The following VNN1 variants were observed in gnomAD, a reference collection of about 807,000 sequenced individuals.
VNN1 encodes the protein pantetheinase.
VNN1 carries 29 observed loss-of-function variants against 41.9 expected under a neutral mutation model. The observed-to-expected ratio is 0.69, with a 90% CI of 0.52 to 0.94. The LOEUF (loss-of-function observed/expected upper bound fraction) is 0.94. VNN1 is among the 40% of genes least tolerant of loss of function. The pLI, the probability that VNN1 is intolerant of heterozygous loss-of-function variation, is 0.00. For missense variants in VNN1, 637 were observed against 621.1 expected (o/e 1.03, Z -0.27); for synonymous variants, 233 against 224.4 (o/e 1.04, Z -0.34).
intron 2 of VNN1, among the ~76,000 whole-genome samples, chr6:132,697,812 T>C (rs1298268484): frequency 1.3e-5 from 2 of 152,166 alleles, no homozygotes; most frequent in Non-Finnish European, 2.9e-5. Context: ...GAACAACCGT[T>C]CAATAGTTTA....
At position 132,713,899 on chromosome 6, in the gene VNN1, C is replaced by T. The variant is rs371314791; in HGVS notation, c.137G>A (p.Arg46His). The T allele has an allele frequency of 8.9e-5, 144 of 1,613,890 alleles. No homozygotes were observed. Among genetic ancestry groups the T allele is most frequent in the Non-Finnish European group, 1.1e-4 (128 of 1,180,032 alleles). The change falls in exon 1 of 7, where the codon CGT (arginine) becomes CAT (histidine). Residue 46 changes from arginine (R) to histidine (H), a missense_variant. Physicochemically the swap from Arg to His is conservative, Grantham distance 29. Coordinates refer to ENST00000367928, the MANE Select transcript of VNN1 (RefSeq NM_004666.3). Reference protein sequence around the residue: ...LPNATLTPVSREEALALMNRN... With the variant: ...LPNATLTPVSHEEALALMNRN... ...ATTCATTAATGCCAAAGCCTCCTCA[C>T]GAGACACTGGTGTTAGGGTGGCATT...
intron 6 of VNN1, 64 bp from the exon 7 acceptor site, chr6:132,683,386 T>C: frequency 6.8e-7 from 1 of 1,476,374 alleles, no homozygotes; most frequent in Non-Finnish European, 9.2e-7. Context: ...AAATCACTTT[T>C]AAAATTTACT....
chr6:132,685,173 G>A (rs1778188730), intron 5 of VNN1, among the ~76,000 whole-genome samples: 1 of 152,216 alleles, frequency 6.6e-6, no homozygotes, highest in East Asian at 1.9e-4. Context: ...CGCAAGAACT[G>A]AAACACTTCT....
At chr6:132,687,633 A>C (rs551385510) in intron 5 of VNN1, among the ~76,000 whole-genome samples, 89 of 152,344 alleles carry the variant, frequency 5.8e-4, no homozygotes, top group African/African-American at 1.7e-3. Context: ...ACAAGGAAAT[A>C]GCTAAGAGAG....
intron 1 of VNN1, among the ~76,000 whole-genome samples, chr6:132,713,212 C>T (rs1041456868): frequency 6.6e-6 from 1 of 152,132 alleles, no homozygotes; most frequent in Non-Finnish European, 1.5e-5. Flanking sequence ...TTCATGTATT[C>T]CTGGTCTACA....
At chr6:132,691,880 C>T (rs970816853) in intron 5 of VNN1, among the ~76,000 whole-genome samples, 2 of 151,976 alleles carry the variant, frequency 1.3e-5, no homozygotes, top group South Asian at 2.1e-4. Context: ...TGGTGGCACT[C>T]GCCTGTAGTC....
At chr6:132,691,858 A>G (rs1000131598) in intron 5 of VNN1, among the ~76,000 whole-genome samples, 3 of 152,076 alleles carry the variant, frequency 2.0e-5, no homozygotes, top group Non-Finnish European at 4.4e-5. Flanking sequence ...CAACAAAAAA[A>G]TTAGCCAGGC....
chr6:132,693,488 G>A (rs1322799535), intron 3 of VNN1, among the ~76,000 whole-genome samples, 173 bp from the exon 4 acceptor site: 1 of 152,130 alleles, frequency 6.6e-6, no homozygotes, highest in Non-Finnish European at 1.5e-5. Context: ...GCTAAACTGG[G>A]CCTTTAGTTC....
rs1477943608 is a variant in VNN1, at chr6:132,684,419, G to A, written c.1275C>T (p.Phe425=). Reference sequence around the variant, plus strand: ...GGGTTCCGAAAGTGCCACTGAGGGAGAACATTTCAAACCTGGTAGAAGCTG... The same window carrying A: ...GGGTTCCGAAAGTGCCACTGAGGGAAAACATTTCAAACCTGGTAGAAGCTG... ...AETASTRFEM[F]SLSGTFGTQY... is the part of the protein sequence containing the mutation. The change falls in exon 6 of 7, where the codon TTC becomes TTT. Residue 425 remains phenylalanine (F), a synonymous_variant. Coordinates refer to ENST00000367928, the MANE Select transcript of VNN1 (RefSeq NM_004666.3). 1.9e-6 allele frequency: 3 copies of A among 1,613,934 alleles called. No individual in the cohort carries two copies. The highest frequency in any genetic ancestry group is 1.3e-5 in the African/African-American group (1 of 74,912).
chr6:132,689,067 T>G (rs1288701121), intron 5 of VNN1, among the ~76,000 whole-genome samples: 2 of 152,136 alleles, frequency 1.3e-5, no homozygotes, highest in East Asian at 1.9e-4. Flanking sequence ...TTTTGTATTT[T>G]TAGTAGAGAC....
chr6:132,681,742 A>T lies in VNN1; in HGVS notation c.*1398T>A, dbSNP rs1778125550. 1 of 152,626 alleles carries T rather than the reference A, an allele frequency of 6.6e-6. No individual in the cohort carries two copies. The highest frequency in any genetic ancestry group is 1.5e-5 in the Non-Finnish European group (1 of 68,034). The allele number at this position is 152,626 out of a possible 1,614,324, so 9.5% of individuals were successfully genotyped here. A position where few individuals can be genotyped will look rare whatever the true frequency, so the allele number is the denominator to read the frequency against. ...CTTTCTTATTTTCTATTAGGTCTTGAAAAAAAGCAAATGTCAGTTAATGTC... is the reference window on the plus strand; with the variant it reads ...CTTTCTTATTTTCTATTAGGTCTTGTAAAAAAGCAAATGTCAGTTAATGTC... On this transcript the variant is annotated 3_prime_UTR_variant, in exon 7 of 7. Coordinates refer to ENST00000367928, the MANE Select transcript of VNN1 (RefSeq NM_004666.3).
Position 132,682,645 on chromosome 6 carries a change from C to T in VNN1, c.*495G>A, listed in dbSNP as rs1269311479. ...CCCTGTCTCCAAATACAGTCACATTCTGAGGTGCTTCAACATGTAAATTTT... is the reference window on the plus strand; with the variant it reads ...CCCTGTCTCCAAATACAGTCACATTTTGAGGTGCTTCAACATGTAAATTTT... On this transcript the variant is annotated 3_prime_UTR_variant, in exon 7 of 7. Coordinates refer to ENST00000367928, the MANE Select transcript of VNN1 (RefSeq NM_004666.3). The T allele has an allele frequency of 1.3e-5, 2 of 152,710 alleles. No homozygotes were observed. Among genetic ancestry groups the T allele is most frequent in the Non-Finnish European group, 2.9e-5 (2 of 68,516 alleles). 9.5% of individuals were successfully genotyped at this position (152,710 alleles called of 1,614,324 possible). A position where few individuals can be genotyped will look rare whatever the true frequency, so the allele number is the denominator to read the frequency against.
At chr6:132,700,437 C>T (rs1778435001) in intron 2 of VNN1, among the ~76,000 whole-genome samples, 1 of 152,206 alleles carries the variant, frequency 6.6e-6, no homozygotes, top group African/African-American at 2.4e-5. Context: ...ACATGCACAG[C>T]CACCACTACC....
intron 2 of VNN1, among the ~76,000 whole-genome samples, chr6:132,704,025 A>T (rs1382761195): frequency 6.6e-6 from 1 of 152,176 alleles, no homozygotes; most frequent in African/African-American, 2.4e-5. Flanking sequence ...TGAGCACACA[A>T]GTGTGCTAAC....
chr6:132,700,595 C>T (rs1163619814), intron 2 of VNN1, among the ~76,000 whole-genome samples: 1 of 152,126 alleles, frequency 6.6e-6, no homozygotes, highest in Admixed American at 6.5e-5. Flanking sequence ...AGCAGAACAC[C>T]AGAGGCTGGA....
At chr6:132,698,801 CCTGA>C (rs2114356862) in intron 2 of VNN1, 1 of 219,426 alleles carries the variant, frequency 4.6e-6, no homozygotes, top group South Asian at 9.1e-5. Context: ...GGTACTGAAA[CCTGA>C]CTGTCAGAAA....
intron 1 of VNN1, among the ~76,000 whole-genome samples, chr6:132,713,532 T>A (rs1432331974): frequency 1.3e-5 from 2 of 152,222 alleles, no homozygotes; most frequent in Non-Finnish European, 2.9e-5. Flanking sequence ...CCATCCTCCA[T>A]CTGTACCAGA....
chr6:132,704,772 A>G (rs1200259331), intron 2 of VNN1, among the ~76,000 whole-genome samples: 2 of 151,972 alleles, frequency 1.3e-5, no homozygotes, highest in African/African-American at 2.4e-5. Flanking sequence ...TTTCTTTTTG[A>G]AAAGATAAAA....
chr6:132,713,721 A>G lies in VNN1; in HGVS notation c.210+105T>C, dbSNP rs1052028291. ...TAAAGGTTCTTGGCTACTCTGATAC[A>G]TATATCATCTAAAAGTGTAACTGAC... is the stretch of plus-strand genomic sequence containing the variant. On this transcript the variant is annotated intron_variant, in intron 1 of 6. Coordinates refer to ENST00000367928, the MANE Select transcript of VNN1 (RefSeq NM_004666.3). The G allele has an allele frequency of 1.9e-5, 24 of 1,243,154 alleles. No individual in the cohort carries two copies. The African/African-American group carries it at 3.2e-4, about 16-fold the overall frequency. 77.0% of individuals were successfully genotyped at this position (1,243,154 alleles called of 1,614,324 possible). A position where few individuals can be genotyped will look rare whatever the true frequency, so the allele number is the denominator to read the frequency against.
Sources: gnomAD v4.1 joint callset for allele counts (sites outside exome capture counted in the v4.1 genomes callset) on GRCh38, gnomAD v4.1.1 for gene constraint, MANE v1.5 for transcripts, NCBI Gene and HGNC (gene_info 2026-07-23, HGNC 2026-07-21) for gene names.